The following RTF1 variants were observed in gnomAD, a reference collection of about 807,000 sequenced individuals.
The protein encoded by RTF1 is RNA polymerase-associated protein RTF1 homolog.
In RTF1, 10 loss-of-function variants were observed where a neutral mutation model predicts 95.7. That is an observed-to-expected ratio of 0.10 (90% CI 0.06 to 0.18). The LOEUF is 0.18. Ranked by LOEUF, RTF1 falls within the 10% of genes least tolerant of loss-of-function variation. The pLI is 1.00. For missense variants in RTF1, 458 were observed against 875.6 expected (o/e 0.52, Z 6.02); for synonymous variants, 305 against 311.8 (o/e 0.98, Z 0.23).
chr15:41,450,488 G>A (rs1436062909), intron 2 of RTF1, among the ~76,000 whole-genome samples: 1 of 152,072 alleles, frequency 6.6e-6, no homozygotes, highest in African/African-American at 2.4e-5. Flanking sequence ...GGGAGGCTGA[G>A]GCAGGACAAT....
In RTF1 at chr15:41,427,233, G is replaced by T. The variant is rs1271445903; in HGVS notation, c.198+9920G>T. Among the ~76,000 whole-genome samples the T allele has an allele frequency of 3.5e-5, 5 of 143,410 alleles. No homozygotes were observed. In the Admixed American group the frequency reaches 3.6e-4, roughly 10 times the overall value. 94.1% of individuals were successfully genotyped at this position (143,410 alleles called of 152,430 possible). A position where few individuals can be genotyped will look rare whatever the true frequency, so the allele number is the denominator to read the frequency against. On this transcript the variant is annotated intron_variant, in intron 1 of 17. Coordinates refer to ENST00000389629, the MANE Select transcript of RTF1 (RefSeq NM_015138.5). ...GTGGTGCGATCTCGGCTCACTGCAA[G>T]CTCCGCCTCCCGGGTTCACGCCATT...
chr15:41,453,506 G>C (rs1435514826), intron 3 of RTF1, among the ~76,000 whole-genome samples: 4 of 152,024 alleles, frequency 2.6e-5, no homozygotes, highest in Non-Finnish European at 5.9e-5. Context: ...TGGGAGGATC[G>C]CTTGAGCCCA....
At position 41,471,337 on chromosome 15, in the gene RTF1, A is replaced by G. The variant is rs2050910508; in HGVS notation, c.1191A>G (p.Lys397=). The change falls in exon 8 of 18, where the codon AAA becomes AAG. Residue 397 remains lysine, a synonymous_variant. Transcript: ENST00000389629. ...VRIGIGNHNS[K]PVYRVAEITG... ...TTGGCATCGGAAACCACAACAGCAA[A>G]CCAGTTTACCGGGTTGGTATTTCTT... 1.9e-6 allele frequency: 3 copies of G among 1,610,286 alleles called. No individual in the cohort carries two copies. Among genetic ancestry groups the G allele is most frequent in the South Asian group, 2.2e-5 (2 of 90,156 alleles).
At chr15:41,457,601 A>C in intron 3 of RTF1, 71 bp from the exon 4 acceptor site, 14 of 1,316,018 alleles carry the variant, frequency 1.1e-5, no homozygotes, top group Non-Finnish European at 1.5e-5. Flanking sequence ...TGATGTTGTC[A>C]ACATTGTGGA....
chr15:41,438,935 C>G (rs1043219522), intron 2 of RTF1, among the ~76,000 whole-genome samples: 2 of 149,756 alleles, frequency 1.3e-5, no homozygotes, highest in Admixed American at 6.7e-5. Flanking sequence ...CCTAGTGGGT[C>G]CCTCTGCAGG....
Position 41,428,576 on chromosome 15 carries a change from C to CT in RTF1, c.199-9732dup, listed in dbSNP as rs1232342225. Reference sequence around the variant, plus strand: ...AGCTACCGTGTCCGGCCCCCTACTCCTTTTTTTTTTTTTGAAGACAGGGTC... The same window carrying CT: ...AGCTACCGTGTCCGGCCCCCTACTCCTTTTTTTTTTTTTTGAAGACAGGGTC... On this transcript the variant is annotated intron_variant, in intron 1 of 17. Coordinates refer to ENST00000389629, the MANE Select transcript of RTF1 (RefSeq NM_015138.5). Among the ~76,000 whole-genome samples, 327 of 141,798 alleles carry CT rather than the reference C, an allele frequency of 2.3e-3. 1 individual carries two copies. Among genetic ancestry groups the CT allele is most frequent in the African/African-American group, 3.5e-3 (137 of 38,812 alleles). The allele number at this position is 141,798 out of a possible 152,430, so 93.0% of individuals were successfully genotyped here.
intron 1 of RTF1, among the ~76,000 whole-genome samples, chr15:41,426,133 A>C (rs910124281): frequency 2.0e-5 from 3 of 151,796 alleles, no homozygotes; most frequent in African/African-American, 4.8e-5. Context: ...AAAAAAAAAA[A>C]ATTTTTTTTG....
At position 41,482,917 on chromosome 15, in the gene RTF1, C is replaced by A. The variant is rs2050985473; in HGVS notation, c.*2230C>A. ...CACCATGTAGATCTGTATTTAGTAT[C>A]ATTTGGATTTGGAGAAGTGTTGATT... is the stretch of plus-strand genomic sequence containing the variant. On this transcript the variant is annotated 3_prime_UTR_variant, in exon 18 of 18. Transcript: ENST00000389629. 1 of 152,262 alleles carries A rather than the reference C, an allele frequency of 6.6e-6. No homozygotes were observed. Among genetic ancestry groups the A allele is most frequent in the African/African-American group, 2.4e-5 (1 of 41,312 alleles). 9.4% of individuals were successfully genotyped at this position (152,262 alleles called of 1,614,324 possible). A position where few individuals can be genotyped will look rare whatever the true frequency, so the allele number is the denominator to read the frequency against.
intron 2 of RTF1, among the ~76,000 whole-genome samples, chr15:41,445,835 A>C (rs1442547172): frequency 6.7e-6 from 1 of 150,118 alleles, no homozygotes; most frequent in Non-Finnish European, 1.5e-5. Context: ...TCCTGGGTTC[A>C]GGCAATTCTT....
chr15:41,471,423 G>A (rs2050911047), intron 8 of RTF1, 74 bp downstream of exon 8: 4 of 1,438,456 alleles, frequency 2.8e-6, no homozygotes, highest in Non-Finnish European at 3.8e-6. Context: ...AGGAGCTACT[G>A]AAAAAATCGA....
At chr15:41,475,318 A>G (rs1168363854) in intron 9 of RTF1, among the ~76,000 whole-genome samples, 1 of 152,176 alleles carries the variant, frequency 6.6e-6, no homozygotes, top group Non-Finnish European at 1.5e-5. Context: ...TGAAGCACTG[A>G]CCAAGCCCAT....
At chr15:41,475,089 A>G (rs748918350) in intron 9 of RTF1, among the ~76,000 whole-genome samples, 8 of 152,152 alleles carry the variant, frequency 5.3e-5, no homozygotes, top group Non-Finnish European at 1.0e-4. Context: ...CAGTAAAATG[A>G]AAGTGTCATT....
chr15:41,471,491 A>G, intron 8 of RTF1, 142 bp downstream of exon 8: 1 of 824,106 alleles, frequency 1.2e-6, no homozygotes, highest in East Asian at 2.8e-5. Context: ...CCCATAGAGC[A>G]GTGAGGTGCC....
chr15:41,447,673 A>T (rs1358779373), intron 2 of RTF1, among the ~76,000 whole-genome samples: 2 of 152,206 alleles, frequency 1.3e-5, no homozygotes, highest in Non-Finnish European at 2.9e-5. Flanking sequence ...GTCAGTGTGT[A>T]CAAGAGTCCT....
At chr15:41,457,593 ATGT>A (rs1331677342) in intron 3 of RTF1, 76 bp from the exon 4 acceptor site, 18 of 1,160,206 alleles carry the variant, frequency 1.6e-5, no homozygotes, top group Non-Finnish European at 2.1e-5. Context: ...AAGAAGGGTG[ATGT>A]TGTCAACATT....
chr15:41,434,648 G>A (rs2050692647), intron 1 of RTF1, among the ~76,000 whole-genome samples: 1 of 149,314 alleles, frequency 6.7e-6, no homozygotes, highest in Non-Finnish European at 1.5e-5. Context: ...TTCTTTTTGA[G>A]ATGGAGTCTT....
intron 2 of RTF1, among the ~76,000 whole-genome samples, chr15:41,441,025 G>A (rs1429526545): frequency 2.9e-5 from 4 of 137,012 alleles, no homozygotes; most frequent in African/African-American, 1.1e-4. Context: ...AGGCTGGAGT[G>A]CAGTGGCGTG....
At chr15:41,476,942 C>T (rs1009355967) in intron 12 of RTF1, among the ~76,000 whole-genome samples, 3 of 152,264 alleles carry the variant, frequency 2.0e-5, no homozygotes, top group African/African-American at 4.8e-5. Flanking sequence ...CAGGGACCCA[C>T]AGCCAGGTAG....
At chr15:41,479,636 G>A (rs968061758) in intron 16 of RTF1, among the ~76,000 whole-genome samples, 1 of 152,044 alleles carries the variant, frequency 6.6e-6, no homozygotes, top group African/African-American at 2.4e-5. Flanking sequence ...GGAGGTGGGC[G>A]GATCACCTGA....
Sources: gnomAD v4.1 joint callset for allele counts (sites outside exome capture counted in the v4.1 genomes callset) on GRCh38, gnomAD v4.1.1 for gene constraint, MANE v1.5 for transcripts, NCBI Gene and HGNC (gene_info 2026-07-23, HGNC 2026-07-21) for gene names.